TTC39A: variants seen among roughly 807,000 people sequenced by gnomAD.
TTC39A encodes the protein tetratricopeptide repeat protein 39A.
In TTC39A, 46 loss-of-function variants were observed where a neutral mutation model predicts 82.3. The ratio of observed to expected loss-of-function variants is 0.56; its 90% CI spans 0.44 to 0.71. The LOEUF is 0.71. TTC39A is among the 30% of genes least tolerant of loss of function. The pLI is 0.00. For synonymous variants in TTC39A, 254 were observed against 275.2 expected (o/e 0.92, Z 0.76); for missense variants, 543 against 712.9 (o/e 0.76, Z 2.71).
upstream of TTC39A, among the ~76,000 whole-genome samples, chr1:51,334,484 CAA>C (rs771023110): frequency 2.6e-5 from 4 of 151,902 alleles, no homozygotes; most frequent in Non-Finnish European, 5.9e-5. Flanking sequence ...GCCTGGGAAA[CAA>C]GAGTGAAACT....
intron 1 of TTC39A, chr1:51,342,948 C>T: frequency 2.3e-6 from 1 of 430,856 alleles, no homozygotes. Flanking sequence ...TCTCCTGGAC[C>T]ACCACGCCAG....
chr1:51,290,620 C>T lies in TTC39A; in HGVS notation c.1272G>A (p.Met424Ile). ...CGGCGTAGCCGTTCCAGATGTACAT[C>T]ATTTCCTGAAGGCAGGGGGGCAAGT... is the stretch of plus-strand genomic sequence containing the variant. ...PISLPVPALE[M>I]MYIWNGYAVI... Residue 424 changes from methionine (M) to isoleucine (I), a missense_variant, in exon 15 of 18, where the codon ATG (methionine) becomes ATA (isoleucine). Coordinates refer to ENST00000680483, the MANE Select transcript of TTC39A (RefSeq NM_001297663.2). 1.9e-6 allele frequency: 3 copies of T among 1,612,724 alleles called. No individual in the cohort carries two copies. The highest frequency in any genetic ancestry group is 2.5e-6 in the Non-Finnish European group (3 of 1,179,322).
At chr1:51,326,311 A>G (rs1251921585) in intron 1 of TTC39A, among the ~76,000 whole-genome samples, 2 of 152,192 alleles carry the variant, frequency 1.3e-5, no homozygotes, top group Admixed American at 1.3e-4. Context: ...CAAACTGAGA[A>G]CAAGATGGAG....
In TTC39A at chr1:51,287,914, G is replaced by A; in HGVS notation, c.*243C>T. ...TCTTAAACATCACAGTGAAAAGCAA[G>A]TACCCGTATGTGTGATAGGGCAGGC... On this transcript the variant is annotated 3_prime_UTR_variant, in exon 18 of 18. Coordinates refer to ENST00000680483, the MANE Select transcript of TTC39A (RefSeq NM_001297663.2). 1 of 494,312 alleles carries A rather than the reference G, an allele frequency of 2.0e-6. No homozygotes were observed. Among genetic ancestry groups the A allele is most frequent in the Non-Finnish European group, 3.6e-6 (1 of 276,668 alleles). The allele number at this position is 494,312 out of a possible 1,614,324, so 30.6% of individuals were successfully genotyped here.
chr1:51,292,337 T>G (rs1387540071), intron 14 of TTC39A, among the ~76,000 whole-genome samples: 1 of 152,250 alleles, frequency 6.6e-6, no homozygotes, highest in Non-Finnish European at 1.5e-5. Flanking sequence ...AAGACATTAT[T>G]GTTGTGGTTC....
At chr1:51,302,458 C>T in intron 10 of TTC39A, 42 bp from the exon 11 acceptor site, 1 of 1,606,972 alleles carries the variant, frequency 6.2e-7, no homozygotes, top group Non-Finnish European at 8.5e-7. Flanking sequence ...TCCGTGGGGT[C>T]TGTGGGTGTT....
At chr1:51,326,979 T>C (rs981533746) in intron 1 of TTC39A, among the ~76,000 whole-genome samples, 1 of 152,158 alleles carries the variant, frequency 6.6e-6, no homozygotes, top group African/African-American at 2.4e-5. Flanking sequence ...GGCTCTCTCA[T>C]TCAGATCCCA....
intron 15 of TTC39A, 98 bp downstream of exon 15, chr1:51,290,416 A>T (rs1466946073): frequency 2.8e-6 from 3 of 1,070,854 alleles, no homozygotes. Flanking sequence ...GAGAGTTGCC[A>T]GGGTAGGGAA....
At position 51,288,870 on chromosome 1, in the gene TTC39A, C is replaced by T. The variant is rs755961811; in HGVS notation, c.1579G>A (p.Glu527Lys). 8.1e-6 allele frequency: 13 copies of T among 1,611,180 alleles called. No homozygotes were observed. The East Asian group carries it at 8.9e-5, about 11-fold the overall frequency. ...GATTCCAAAAGTTTGATGGCCTCTT[C>T]GTTTCTGTCTTGCTCCATAAGCAGC... is the stretch of plus-strand genomic sequence containing the variant. Reference protein sequence around the residue: ...ALLLMEQDRNEEAIKLLESAK... With the variant: ...ALLLMEQDRNKEAIKLLESAK... Residue 527 changes from glutamate (E) to lysine (K), a missense_variant, in exon 17 of 18, where the codon GAA becomes AAA. Coordinates refer to ENST00000680483, the MANE Select transcript of TTC39A (RefSeq NM_001297663.2). The surrounding 1 kb of genome is among the most constrained non-coding windows in gnomAD (Gnocchi z 4.8).
upstream of TTC39A, chr1:51,331,492 C>T: frequency 7.5e-7 from 1 of 1,337,214 alleles, no homozygotes; most frequent in South Asian, 1.7e-5. Flanking sequence ...AGGACTGTAG[C>T]TCCCCTGGAG....
rs1031201984 is a variant in TTC39A at position 51,294,930 on chromosome 1, T to C, written c.1146-419A>G. The stretch of plus-strand genomic sequence containing the variant: ...ACCCAAGACCAAACAGCTCAAACCC[T>C]TAATTAACTCTTGCCTCGCGAGTTC... On this transcript the variant is annotated intron_variant, in intron 13 of 17. Transcript: ENST00000680483. The surrounding 1 kb of genome is among the most constrained non-coding windows in gnomAD (Gnocchi z 4.3). Among the ~76,000 whole-genome samples the C allele has an allele frequency of 2.0e-5, 3 of 152,232 alleles. No individual in the cohort carries two copies. The highest frequency in any genetic ancestry group is 4.4e-5 in the Non-Finnish European group (3 of 68,040).
chr1:51,294,130 T>C lies in TTC39A; in HGVS notation c.1266+261A>G, dbSNP rs958070885. ...CGGGTGATGCCGCTGCCTGGGCACA[T>C]GGACATGGGGCTCTCTGTCCAGGAG... is the stretch of plus-strand genomic sequence containing the variant. On this transcript the variant is annotated intron_variant, in intron 14 of 17. Coordinates refer to ENST00000680483, the MANE Select transcript of TTC39A (RefSeq NM_001297663.2). This position sits in a 1 kb window ranked among gnomAD's most constrained non-coding sequence, Gnocchi z 4.3. Among the ~76,000 whole-genome samples, 1 of 152,110 alleles carries C rather than the reference T, an allele frequency of 6.6e-6. No homozygotes were observed. Among genetic ancestry groups the C allele is most frequent in the Admixed American group, 6.5e-5 (1 of 15,274 alleles).
At position 51,296,573 on chromosome 1, in the gene TTC39A, G is replaced by C. The variant is rs1013174600; in HGVS notation, c.1054-403C>G. Among the ~76,000 whole-genome samples, 5 of 152,372 alleles carry C rather than the reference G, an allele frequency of 3.3e-5. No individual in the cohort carries two copies. In the South Asian group the frequency reaches 1.0e-3, roughly 32 times the overall value. On this transcript the variant is annotated intron_variant, in intron 12 of 17. Transcript: ENST00000680483. ...AGCCAGGAGGAAGAGGCTGAGCAAAGCCAGGAGGTGGCAGGATGTGTGTGG... is the reference window on the plus strand; with the variant it reads ...AGCCAGGAGGAAGAGGCTGAGCAAACCCAGGAGGTGGCAGGATGTGTGTGG...
At chr1:51,342,765 G>A (rs925389351) in intron 1 of TTC39A, among the ~76,000 whole-genome samples, 3 of 152,176 alleles carry the variant, frequency 2.0e-5, no homozygotes, top group African/African-American at 7.2e-5. Flanking sequence ...ATGTGTGCAG[G>A]CTCACAATGC....
chr1:51,287,967 C>T lies in TTC39A; in HGVS notation c.*190G>A. The stretch of plus-strand genomic sequence containing the variant: ...AGGGCTCCACCTGCTCTGCCCTTGG[C>T]AAAGGCCCTTGGCTACACTGGTGAA... On this transcript the variant is annotated 3_prime_UTR_variant, in exon 18 of 18. Coordinates refer to ENST00000680483, the MANE Select transcript of TTC39A (RefSeq NM_001297663.2). 1.1e-6 allele frequency: 1 copy of T among 895,398 alleles called. No homozygotes were observed. Among genetic ancestry groups the T allele is most frequent in the Non-Finnish European group, 1.6e-6 (1 of 612,622 alleles). 55.5% of individuals were successfully genotyped at this position (895,398 alleles called of 1,614,324 possible).
At chr1:51,325,491 G>A (rs1413801603) in intron 1 of TTC39A, among the ~76,000 whole-genome samples, 2 of 152,194 alleles carry the variant, frequency 1.3e-5, no homozygotes, top group Non-Finnish European at 2.9e-5. Flanking sequence ...GCAGCAGTGA[G>A]CATCTACTGC....
intron 1 of TTC39A, among the ~76,000 whole-genome samples, chr1:51,341,001 C>A (rs1279935737): frequency 6.6e-6 from 1 of 152,018 alleles, no homozygotes; most frequent in Non-Finnish European, 1.5e-5. Context: ...GTGAAACCCC[C>A]TCTCTACTAA....
chr1:51,298,922 T>A (rs1302099474), intron 12 of TTC39A: 1 of 152,310 alleles, frequency 6.6e-6, no homozygotes, highest in Non-Finnish European at 1.5e-5. Context: ...TCTGGCCATC[T>A]CAGCCTCTAG....
intron 2 of TTC39A, among the ~76,000 whole-genome samples, chr1:51,313,761 G>A (rs1442889269): frequency 4.6e-5 from 7 of 152,242 alleles, no homozygotes; most frequent in South Asian, 4.1e-4. Flanking sequence ...CACTCTGGGA[G>A]GGCAAGGCTG....
Sources: gnomAD v4.1 joint callset for allele counts (sites outside exome capture counted in the v4.1 genomes callset) on GRCh38, gnomAD v4.1.1 for gene constraint, Gnocchi (gnomAD v3.1) non-coding constraint, MANE v1.5 for transcripts, NCBI Gene and HGNC (gene_info 2026-07-23, HGNC 2026-07-21) for gene names.